The following PYROXD1 variants were observed in gnomAD, a reference collection of about 807,000 sequenced individuals.
PYROXD1 encodes pyridine nucleotide-disulphide oxidoreductase domain 1.
A neutral mutation model predicts 62.0 loss-of-function variants in PYROXD1; 42 were observed. That is an observed-to-expected ratio of 0.68 (90% CI 0.53 to 0.88). PYROXD1 has a LOEUF of 0.88. Ranked by LOEUF, PYROXD1 falls within the 40% of genes least tolerant of loss-of-function variation. The pLI, the probability that PYROXD1 is intolerant of heterozygous loss-of-function variation, is 0.00. For synonymous variants in PYROXD1, 170 were observed against 206.4 expected, an observed-to-expected ratio of 0.82 and a Z score of 1.51; for missense variants, 493 against 604.8, an observed-to-expected ratio of 0.82 and a Z score of 1.94.
intron 2 of PYROXD1, among the ~76,000 whole-genome samples, chr12:21,441,028 A>G (rs1270704194): frequency 6.6e-6 from 1 of 151,888 alleles, no homozygotes; most frequent in East Asian, 1.9e-4. Context: ...TGGTGAATTG[A>G]TTGCTTTTTT....
chr12:21,450,298 T>G (rs1472498515), intron 4 of PYROXD1, among the ~76,000 whole-genome samples: 1 of 152,190 alleles, frequency 6.6e-6, no homozygotes. Context: ...CACACATTCA[T>G]TACTCTACTT....
chr12:21,447,351 G>C (rs529630535), intron 3 of PYROXD1, among the ~76,000 whole-genome samples: 1 of 152,186 alleles, frequency 6.6e-6, no homozygotes, highest in South Asian at 2.1e-4. Flanking sequence ...TACTTATAGT[G>C]GTATTACATA....
At chr12:21,449,916 G>C (rs1942461514) in intron 4 of PYROXD1, among the ~76,000 whole-genome samples, 1 of 150,438 alleles carries the variant, frequency 6.6e-6, no homozygotes, top group Non-Finnish European at 1.5e-5. Context: ...GGAGTGCAGT[G>C]GCGCAGTCTC....
Position 21,440,467 on chromosome 12 carries a change from CTTG to C in PYROXD1, c.165+22_165+24del, listed in dbSNP as rs1248380045. 2 of 1,411,296 alleles carry C rather than the reference CTTG, an allele frequency of 1.4e-6. No homozygotes were observed. Among genetic ancestry groups the C allele is most frequent in the South Asian group, 1.2e-5 (1 of 80,032 alleles). 87.4% of individuals were successfully genotyped at this position (1,411,296 alleles called of 1,614,324 possible). On this transcript the variant is annotated intron_variant, in intron 2 of 11. Coordinates refer to ENST00000240651, the MANE Select transcript of PYROXD1 (RefSeq NM_024854.5). ...CAAGCAGGTAAGAACCTTTGTATAACTTGTTAATATTAATTTGAAAAAATTGCA... is the reference window on the plus strand; with the variant it reads ...CAAGCAGGTAAGAACCTTTGTATAACTTAATATTAATTTGAAAAAATTGCA...
chr12:21,465,698 T>C (rs1172679162), intron 10 of PYROXD1, among the ~76,000 whole-genome samples: 6 of 152,108 alleles, frequency 3.9e-5, no homozygotes, highest in African/African-American at 1.5e-4. Flanking sequence ...ATTTTGACTT[T>C]TGTTGCCATT....
chr12:21,440,205 A>T (rs1237457153), intron 1 of PYROXD1, among the ~76,000 whole-genome samples, 163 bp from the exon 2 acceptor site: 5 of 152,188 alleles, frequency 3.3e-5, no homozygotes, highest in Non-Finnish European at 7.3e-5. Context: ...CCATTGCCCC[A>T]TCAAGACCAA....
At chr12:21,458,189 C>A (rs991247460) in intron 7 of PYROXD1, among the ~76,000 whole-genome samples, 7 of 152,154 alleles carry the variant, frequency 4.6e-5, no homozygotes, top group African/African-American at 1.7e-4. Context: ...CATCAGTTAT[C>A]AATTGTATAT....
At chr12:21,450,008 C>T (rs1364899226) in intron 4 of PYROXD1, among the ~76,000 whole-genome samples, 2 of 143,242 alleles carry the variant, frequency 1.4e-5, no homozygotes, top group Non-Finnish European at 3.0e-5. Flanking sequence ...CAGGTGCCTG[C>T]CACCACGCCT....
rs753235761 is a variant in PYROXD1 at position 21,461,145 on chromosome 12, G to T, written c.871G>T (p.Ala291Ser). 6.5e-7 allele frequency: 1 copy of T among 1,527,332 alleles called. No homozygotes were observed. The highest frequency in any genetic ancestry group is 8.8e-7 in the Non-Finnish European group (1 of 1,140,376). 94.6% of individuals were successfully genotyped at this position (1,527,332 alleles called of 1,614,324 possible). Residue 291 changes from alanine to serine, a missense_variant, in exon 8 of 12, where the codon GCT (alanine) becomes TCT (serine). Ala to Ser is a moderately conservative substitution (Grantham distance 99). Transcript: ENST00000240651. ...TCCAAGAGACCATAAGTCAGTTACA[G>T]CTGATACAGGCAAGTAATGAAATAA... ...TFPRDHKSVT[A>S]DTEMWPVYVE... is the part of the protein sequence containing the mutation.
chr12:21,461,638 A>G (rs1942699691), intron 8 of PYROXD1, among the ~76,000 whole-genome samples: 1 of 152,190 alleles, frequency 6.6e-6, no homozygotes, highest in Non-Finnish European at 1.5e-5. Flanking sequence ...GAATTTGAAT[A>G]TGAGTAGTGA....
At chr12:21,445,265 A>C (rs1398774761) in intron 2 of PYROXD1, 82 bp from the exon 3 acceptor site, 11 of 1,365,692 alleles carry the variant, frequency 8.1e-6, no homozygotes, top group Non-Finnish European at 1.1e-5. Flanking sequence ...TAGTGTGTAA[A>C]AGCAAAGTAT....
intron 10 of PYROXD1, among the ~76,000 whole-genome samples, chr12:21,464,543 C>T (rs1463718554): frequency 2.0e-5 from 3 of 152,202 alleles, no homozygotes; most frequent in East Asian, 1.9e-4. Flanking sequence ...TACATATGCA[C>T]ATACAGGGAG....
chr12:21,457,890 C>A (rs1201805091), intron 7 of PYROXD1, among the ~76,000 whole-genome samples: 2 of 129,258 alleles, frequency 1.5e-5, no homozygotes, highest in African/African-American at 5.8e-5. Context: ...AGAACCAGGC[C>A]CAAACCATAT....
chr12:21,443,193 A>G (rs777005298), intron 2 of PYROXD1, among the ~76,000 whole-genome samples: 25 of 152,226 alleles, frequency 1.6e-4, no homozygotes, highest in Non-Finnish European at 2.9e-4. Context: ...AGCTCCCAGA[A>G]TGATACTAAA....
At chr12:21,458,316 A>T (rs887097190) in intron 7 of PYROXD1, among the ~76,000 whole-genome samples, 3 of 152,180 alleles carry the variant, frequency 2.0e-5, no homozygotes, top group Non-Finnish European at 4.4e-5. Context: ...GAAAACAGTT[A>T]GGGGCTTACT....
intron 8 of PYROXD1, among the ~76,000 whole-genome samples, chr12:21,461,791 C>A (rs1169442105): frequency 6.6e-6 from 1 of 152,076 alleles, no homozygotes; most frequent in African/African-American, 2.4e-5. Flanking sequence ...TTTAAAATGC[C>A]ATGGTTTTAA....
chr12:21,456,123 G>A (rs1591949455), intron 7 of PYROXD1, 28 bp downstream of exon 7: 1 of 1,316,246 alleles, frequency 7.6e-7, no homozygotes, highest in Non-Finnish European at 1.1e-6. Flanking sequence ...AATTGGTCAT[G>A]TCTAAATGTA....
chr12:21,452,437 T>A (rs943076039), intron 5 of PYROXD1, among the ~76,000 whole-genome samples: 1 of 152,202 alleles, frequency 6.6e-6, no homozygotes, highest in Admixed American at 6.5e-5. Flanking sequence ...ATTTGGCCCA[T>A]AAATGTGTTT....
chr12:21,447,068 T>G (rs1267924201), intron 3 of PYROXD1, among the ~76,000 whole-genome samples: 2 of 152,220 alleles, frequency 1.3e-5, no homozygotes, highest in African/African-American at 2.4e-5. Context: ...TACATGAGAA[T>G]GAAGAAGGCA....
Sources: allele counts gnomAD v4.1 joint callset (sites outside exome capture counted in the v4.1 genomes callset), GRCh38; gene constraint gnomAD v4.1.1; transcripts MANE v1.5; gene names NCBI Gene and HGNC (gene_info 2026-07-23, HGNC 2026-07-21).